The following HMCN2 variants were observed in gnomAD, a reference collection of about 807,000 sequenced individuals.
HMCN2 encodes hemicentin 2, also known as hemicentin-2.
In HMCN2, 325 loss-of-function variants were observed where a neutral mutation model predicts 377.5. That is an observed-to-expected ratio of 0.86 (90% confidence interval 0.79 to 0.94). The LOEUF is 0.94. Ranked by LOEUF, HMCN2 falls within the 40% of genes least tolerant of loss-of-function variation. HMCN2 has a pLI of 0.00. For missense variants in HMCN2, 4,543 were observed against 4,725.3 expected (o/e 0.96, Z 1.13); for synonymous variants, 2,007 against 2,046.8 (o/e 0.98, Z 0.53).
chr9:130,419,044 A>G lies in HMCN2; in HGVS notation c.13231+3A>G, dbSNP rs762736418. The G allele has an allele frequency of 1.8e-4, 275 of 1,492,286 alleles. No homozygotes were observed. The highest frequency in any genetic ancestry group is 2.4e-4 in the Non-Finnish European group (267 of 1,116,606). The allele number at this position is 1,492,286 out of a possible 1,614,324, so 92.4% of individuals were successfully genotyped here. A position where few individuals can be genotyped will look rare whatever the true frequency, so the allele number is the denominator to read the frequency against. On this transcript the variant is annotated splice_donor_region_variant and intron_variant, in intron 86 of 97. Transcript: ENST00000683500. Reference sequence around the variant, plus strand: ...CCGGGCGTTCCTGGTCGTGAGAGGTATGGGGCATCCCTGTCTGGACCTTCG... The same window carrying G: ...CCGGGCGTTCCTGGTCGTGAGAGGTGTGGGGCATCCCTGTCTGGACCTTCG...
At position 130,358,477 on chromosome 9, in the gene HMCN2, A is replaced by G. The variant is rs1306483031; in HGVS notation, c.5668A>G (p.Lys1890Glu). 7 of 1,304,342 alleles carry G rather than the reference A, an allele frequency of 5.4e-6. No individual in the cohort carries two copies. The highest frequency in any genetic ancestry group is 4.3e-4 in the Middle Eastern group (2 of 4,696). The allele number at this position is 1,304,342 out of a possible 1,614,324, so 80.8% of individuals were successfully genotyped here. ...GGAGAGCAAGAGGGAAGTGGCGCTG[A>G]AAGTTTTGGGTGAGGACGTGGGTAA... ...AGESKREVAL[K>E]VLVPPNIEPG... is the part of the protein sequence containing the mutation. Residue 1890 changes from lysine to glutamate, a missense_variant, in exon 36 of 98, where the codon AAA (lysine) becomes GAA (glutamate). Transcript: ENST00000683500.
At chr9:130,412,503 C>T (rs1164051968) in intron 85 of HMCN2, among the ~76,000 whole-genome samples, 6 of 150,800 alleles carry the variant, frequency 4.0e-5, no homozygotes, top group African/African-American at 1.2e-4. Flanking sequence ...TGGGGTTACA[C>T]CTTTTAAAAA....
chr9:130,411,466 G>C (rs1409088074), intron 85 of HMCN2, among the ~76,000 whole-genome samples: 3 of 151,974 alleles, frequency 2.0e-5, no homozygotes, highest in Non-Finnish European at 4.4e-5. Flanking sequence ...GCTGGGCGTG[G>C]TGGCACGCCT....
chr9:130,299,027 G>GA lies in HMCN2; in HGVS notation c.1015_1016insA (p.Val339AspfsTer70), dbSNP rs1190468993. On this transcript the variant is annotated frameshift_variant, in exon 8 of 98. Coordinates refer to ENST00000683500, the MANE Select transcript of HMCN2 (RefSeq NM_001291815.2). LOFTEE classifies it high-confidence loss of function. ...TGTTCTTCACCTTCCCTCTGCAGGAGTCCCCATCTCCCTGGTGATCAATTC... is the reference window on the plus strand; with the variant it reads ...TGTTCTTCACCTTCCCTCTGCAGGAGATCCCCATCTCCCTGGTGATCAATTC... The GA allele has an allele frequency of 1.1e-5, 5 of 469,292 alleles. No homozygotes were observed. Among genetic ancestry groups the GA allele is most frequent in the African/African-American group, 1.0e-4 (5 of 50,022 alleles). The allele number at this position is 469,292 out of a possible 1,614,324, so 29.1% of individuals were successfully genotyped here.
chr9:130,392,492 G>C (rs1392873070), intron 66 of HMCN2, among the ~76,000 whole-genome samples: 4 of 152,196 alleles, frequency 2.6e-5, no homozygotes, highest in Non-Finnish European at 4.4e-5. Context: ...GGAGGACAGA[G>C]AGTGAAGCCA....
At chr9:130,340,929 C>G (rs1044352416) in intron 23 of HMCN2, among the ~76,000 whole-genome samples, 182 bp from the exon 24 acceptor site, 1 of 152,204 alleles carries the variant, frequency 6.6e-6, no homozygotes, top group African/African-American at 2.4e-5. Context: ...GGTGAAAGAC[C>G]GGAGCTCACT....
At chr9:130,432,405 C>A (rs138428811) in intron 96 of HMCN2, 24 bp from the exon 97 acceptor site, 410 of 1,550,812 alleles carry the variant, frequency 2.6e-4, no homozygotes, top group Non-Finnish European at 3.3e-4. Flanking sequence ...CTCCCTCCCC[C>A]GCTTCACCAA....
At chr9:130,323,391 C>T (rs1426785355) in intron 19 of HMCN2, among the ~76,000 whole-genome samples, 1 of 152,212 alleles carries the variant, frequency 6.6e-6, no homozygotes, top group Non-Finnish European at 1.5e-5. Context: ...GCCTGCGAAT[C>T]TGAGTGGTGC....
intron 4 of HMCN2, among the ~76,000 whole-genome samples, chr9:130,293,298 T>G (rs1554930720): frequency 6.8e-6 from 1 of 147,778 alleles, no homozygotes; most frequent in East Asian, 2.0e-4. Flanking sequence ...TTTTTTTTTT[T>G]TTGCGGTTCT....
At chr9:130,275,900 G>A (rs1260283635) in intron 1 of HMCN2, among the ~76,000 whole-genome samples, 1 of 152,076 alleles carries the variant, frequency 6.6e-6, no homozygotes, top group Admixed American at 6.6e-5. Flanking sequence ...TGAGGTGTGA[G>A]CTGGACTAGG....
chr9:130,318,977 C>T (rs1215223042), intron 15 of HMCN2, among the ~76,000 whole-genome samples: 2 of 152,200 alleles, frequency 1.3e-5, no homozygotes, highest in Non-Finnish European at 2.9e-5. Context: ...GCCCCCCAGG[C>T]CATGCTCCCC....
chr9:130,274,793 C>T (rs894778097), intron 1 of HMCN2, among the ~76,000 whole-genome samples: 4 of 152,138 alleles, frequency 2.6e-5, no homozygotes, highest in South Asian at 4.1e-4. Flanking sequence ...GCATGAATAT[C>T]TCTTCCTGTC....
intron 22 of HMCN2, among the ~76,000 whole-genome samples, chr9:130,331,739 C>G (rs1838439837): frequency 6.6e-6 from 1 of 152,168 alleles, no homozygotes; most frequent in African/African-American, 2.4e-5. Context: ...GGCAGTGTTT[C>G]CAGGCAACAA....
rs1224643123 is a variant in HMCN2 at position 130,432,537 on chromosome 9, G to A, written c.14876G>A (p.Arg4959Gln). 8.4e-6 allele frequency: 13 copies of A among 1,550,538 alleles called. No individual in the cohort carries two copies. The highest frequency in any genetic ancestry group is 3.6e-5 in the South Asian group (3 of 84,052). Residue 4959 changes from arginine (R) to glutamine (Q), a missense_variant, in exon 97 of 98, where the codon CGG (arginine) becomes CAG (glutamine). Arg to Gln is a conservative substitution (Grantham distance 43, BLOSUM62 1). Around this residue, in one of 5 missense-constraint regions of HMCN2, gnomAD observed 1,155 missense variants for 1,157.7 expected, o/e 1.00. Coordinates refer to ENST00000683500, the MANE Select transcript of HMCN2 (RefSeq NM_001291815.2). The stretch of plus-strand genomic sequence containing the variant: ...GACACACCCTGTCCTGCCACCTACC[G>A]GCAGGGCCCCAGCCCTGGGTAAGGG... ...CVDTPCPATY[R>Q]QGPSPGTCFR... is the part of the protein sequence containing the mutation.
At chr9:130,427,728 G>T in intron 92 of HMCN2, 109 bp downstream of exon 92, 1 of 1,330,070 alleles carries the variant, frequency 7.5e-7, no homozygotes, top group South Asian at 1.5e-5. Flanking sequence ...GACCTGCAGG[G>T]ATGGCCAATT....
rs942876691 is a variant in HMCN2 at position 130,303,773 on chromosome 9, C to G, written c.1543+165C>G. Among the ~76,000 whole-genome samples the G allele has an allele frequency of 6.6e-6, 1 of 152,164 alleles. No homozygotes were observed. The highest frequency in any genetic ancestry group is 2.4e-5 in the African/African-American group (1 of 41,436). ...CTGCCTGCTGCCCCTCATGTGGGGC[C>G]GTCTCACCCAGGAACGGCCTGTGGG... On this transcript the variant is annotated intron_variant, in intron 10 of 97. Coordinates refer to ENST00000683500, the MANE Select transcript of HMCN2 (RefSeq NM_001291815.2). The surrounding 1 kb of genome is among the most constrained non-coding windows in gnomAD (Gnocchi z 5.2).
At chr9:130,404,825 C>T (rs746838657) in intron 80 of HMCN2, 44 bp from the exon 81 acceptor site, 19 of 1,180,548 alleles carry the variant, frequency 1.6e-5, no homozygotes, top group South Asian at 6.3e-5. Context: ...GTGTCAGCCG[C>T]CTCCCTGAGC....
chr9:130,393,938 G>A lies in HMCN2; in HGVS notation c.10431G>A (p.Ser3477=), dbSNP rs553652451. The A allele has an allele frequency of 2.1e-4, 268 of 1,288,958 alleles. 1 individual carries two copies. In the Middle Eastern group the frequency reaches 6.0e-3, roughly 29 times the overall value. 79.8% of individuals were successfully genotyped at this position (1,288,958 alleles called of 1,614,324 possible). The change falls in exon 68 of 98, where the codon TCG becomes TCA. Residue 3477 remains serine (S), a synonymous_variant. Coordinates refer to ENST00000683500, the MANE Select transcript of HMCN2 (RefSeq NM_001291815.2). This position sits in a 1 kb window ranked among gnomAD's most constrained non-coding sequence, Gnocchi z 5.2. ...TGGAGGCAGTGGGAGCTGGTGACTC[G>A]GGGACCTACTCCTGTGTGGCCGTGA... The part of the protein sequence containing the change: ...LQLEAVGAGD[S]GTYSCVAVSE...
intron 15 of HMCN2, among the ~76,000 whole-genome samples, chr9:130,318,915 T>A (rs1837703597): frequency 6.6e-6 from 1 of 152,178 alleles, no homozygotes; most frequent in Admixed American, 6.5e-5. Flanking sequence ...GCTGGCTGTT[T>A]GCGGGGGCGG....
Sources: gnomAD v4.1 joint callset for allele counts (sites outside exome capture counted in the v4.1 genomes callset) on GRCh38, gnomAD v4.1.1 for gene constraint, gnomAD v4.1.1 regional missense constraint, Gnocchi (gnomAD v3.1) non-coding constraint, MANE v1.5 for transcripts, NCBI Gene and HGNC (gene_info 2026-07-23, HGNC 2026-07-21) for gene names.